The following CSMD1 variants were observed in gnomAD, a reference collection of about 807,000 sequenced individuals.
The protein encoded by CSMD1 is CUB and sushi domain-containing protein 1.
A neutral mutation model predicts 417.5 loss-of-function variants in CSMD1; 213 were observed. The ratio of observed to expected loss-of-function variants is 0.51; its 90% confidence interval spans 0.46 to 0.57. The LOEUF is 0.57. Ranked by LOEUF, CSMD1 falls within the 20% of genes least tolerant of loss-of-function variation. CSMD1 has a pLI of 0.00. For synonymous variants in CSMD1, 2,862 were observed against 1,736.8 expected, an observed-to-expected ratio of 1.65 and a Z score of -16.11; for missense variants, 6,923 against 4,529.7, an observed-to-expected ratio of 1.53 and a Z score of -15.17.
At chr8:3,825,499 A>G (rs1433637934) in intron 5 of CSMD1, among the ~76,000 whole-genome samples, 2 of 152,164 alleles carry the variant, frequency 1.3e-5, no homozygotes, top group Admixed American at 6.5e-5. Context: ...ATAAACAAAA[A>G]GCCCTTGAGA....
At chr8:4,951,893 A>G (rs1400459780) in intron 1 of CSMD1, among the ~76,000 whole-genome samples, 1 of 151,842 alleles carries the variant, frequency 6.6e-6, no homozygotes, top group African/African-American at 2.4e-5. Context: ...ATAAAATATT[A>G]ATGACATTTT....
intron 3 of CSMD1, among the ~76,000 whole-genome samples, chr8:4,068,097 A>G (rs1050924048): frequency 6.6e-6 from 1 of 152,154 alleles, no homozygotes; most frequent in African/African-American, 2.4e-5. Flanking sequence ...AAAAAAAGAA[A>G]AAAAGGGACA....
intron 23 of CSMD1, among the ~76,000 whole-genome samples, chr8:3,319,207 T>C (rs1805982728): frequency 6.6e-6 from 1 of 152,176 alleles, no homozygotes; most frequent in Admixed American, 6.6e-5. Flanking sequence ...CATATTTCTG[T>C]TTTTAGCTCC....
rs1357917378 is a variant in CSMD1 at position 4,266,995 on chromosome 8, T to C, written c.415+152958A>G. Among the ~76,000 whole-genome samples the C allele has an allele frequency of 3.8e-5, 4 of 104,630 alleles. 1 individual carries two copies. The East Asian group carries it at 7.7e-4, about 20-fold the overall frequency. The allele number at this position is 104,630 out of a possible 152,430, so 68.6% of individuals were successfully genotyped here. ...GAACTTAAGAAGATAAAAATCACTT[T>C]TGTGATTTTTACAAAACAAAAGCAT... is the stretch of plus-strand genomic sequence containing the variant. On this transcript the variant is annotated intron_variant, in intron 3 of 69. Coordinates refer to ENST00000635120, the MANE Select transcript of CSMD1 (RefSeq NM_033225.6).
intron 1 of CSMD1, among the ~76,000 whole-genome samples, chr8:4,727,106 G>A (rs1303944648): frequency 2.0e-5 from 3 of 152,086 alleles, no homozygotes; most frequent in East Asian, 1.9e-4. Flanking sequence ...TGAGGAAGCT[G>A]AGGCCCTTCT....
In CSMD1 at chr8:3,408,041, A is replaced by G. The variant is rs1361290236; in HGVS notation, c.1929T>C (p.Asp643=). 6.2e-6 allele frequency: 10 copies of G among 1,613,988 alleles called. No individual in the cohort carries two copies. The highest frequency in any genetic ancestry group is 2.2e-5 in the East Asian group (1 of 44,876). ...CCAGGACAGTTATGTCAGAAATGCC[A>G]TCATCCTTGACCGCGAGAAAGTCAA... ...PQFDFLAVKD[D]GISDITVLGT... is the part of the protein sequence containing the mutation. Residue 643 remains aspartate, a synonymous_variant, in exon 14 of 70, where the codon GAT becomes GAC. Transcript: ENST00000635120.
chr8:4,624,257 C>A (rs1363249642), intron 2 of CSMD1, among the ~76,000 whole-genome samples: 2 of 152,094 alleles, frequency 1.3e-5, no homozygotes, highest in African/African-American at 2.4e-5. Flanking sequence ...GTAGATCAAA[C>A]CATACCATTG....
chr8:4,081,759 C>A (rs557748769), intron 3 of CSMD1, among the ~76,000 whole-genome samples: 2 of 152,078 alleles, frequency 1.3e-5, no homozygotes, highest in African/African-American at 2.4e-5. Context: ...TTTTTAAAGA[C>A]CCCAAATATC....
chr8:4,179,335 C>A (rs976317003), intron 3 of CSMD1, among the ~76,000 whole-genome samples: 3 of 152,286 alleles, frequency 2.0e-5, no homozygotes, highest in African/African-American at 7.2e-5. Context: ...GGGAAGGATT[C>A]CCTATTTAAT....
chr8:3,465,596 G>T (rs910723825), intron 12 of CSMD1, among the ~76,000 whole-genome samples: 28 of 152,210 alleles, frequency 1.8e-4, no homozygotes, highest in Admixed American at 1.2e-3. Context: ...AACATCTTAG[G>T]GTTAGAAGTG....
intron 8 of CSMD1, among the ~76,000 whole-genome samples, chr8:3,588,301 A>T (rs1343547376): frequency 6.8e-6 from 1 of 146,156 alleles, no homozygotes; most frequent in Admixed American, 7.1e-5. Flanking sequence ...AAAGAAAAAA[A>T]TAACCAAACC....
At chr8:4,300,227 T>C (rs1018464993) in intron 3 of CSMD1, among the ~76,000 whole-genome samples, 8 of 152,244 alleles carry the variant, frequency 5.3e-5, no homozygotes, top group Admixed American at 2.0e-4. Flanking sequence ...GTTTTGATAA[T>C]GTATAAAGTC....
chr8:3,228,299 A>C (rs1356282835), intron 27 of CSMD1, among the ~76,000 whole-genome samples: 1 of 152,272 alleles, frequency 6.6e-6, no homozygotes, highest in Non-Finnish European at 1.5e-5. Context: ...AGTGCTAATT[A>C]TAATTAACTC....
intron 3 of CSMD1, among the ~76,000 whole-genome samples, chr8:4,059,398 C>G (rs981107551): frequency 6.6e-6 from 1 of 152,036 alleles, no homozygotes; most frequent in Non-Finnish European, 1.5e-5. Context: ...AAAGCAAGAG[C>G]AAACACATTC....
intron 10 of CSMD1, among the ~76,000 whole-genome samples, chr8:3,564,395 C>G (rs1235855941): frequency 6.6e-6 from 1 of 152,172 alleles, no homozygotes; most frequent in East Asian, 1.9e-4. Context: ...TTCACTCACA[C>G]CTGCTAAATA....
At chr8:4,378,485 C>T (rs189958920) in intron 3 of CSMD1, among the ~76,000 whole-genome samples, 5 of 152,098 alleles carry the variant, frequency 3.3e-5, no homozygotes, top group Non-Finnish European at 7.4e-5. Context: ...GTTTTTATCC[C>T]CTTTATCTCT....
At chr8:4,650,210 T>G (rs368097193) in intron 1 of CSMD1, among the ~76,000 whole-genome samples, 3 of 151,846 alleles carry the variant, frequency 2.0e-5, no homozygotes, top group Admixed American at 6.6e-5. Flanking sequence ...CCGGGTGTGG[T>G]GGCGGGCGCC....
chr8:4,414,025 G>A (rs191908174), intron 3 of CSMD1, among the ~76,000 whole-genome samples: 2 of 152,048 alleles, frequency 1.3e-5, no homozygotes, highest in Admixed American at 1.3e-4. Flanking sequence ...TCTTGTGCTA[G>A]CACGTTCTTG....
rs191828866 is a variant in CSMD1 at position 3,261,889 on chromosome 8, C to T, written c.4153+22255G>A. Among the ~76,000 whole-genome samples the T allele has an allele frequency of 4.5e-4, 69 of 152,082 alleles. 1 individual carries two copies. The highest frequency in any genetic ancestry group is 1.5e-3 in the African/African-American group (62 of 41,482). On this transcript the variant is annotated intron_variant, in intron 26 of 69. Transcript: ENST00000635120. ...AATGGGTACGGCTATCAAAGAGCAG[C>T]CTGTGGGATCCTATTCCTGGGGGAA...
Sources: gnomAD v4.1 joint callset for allele counts (sites outside exome capture counted in the v4.1 genomes callset) on GRCh38, gnomAD v4.1.1 for gene constraint, MANE v1.5 for transcripts, NCBI Gene and HGNC (gene_info 2026-07-23, HGNC 2026-07-21) for gene names.